Variants in CLASP2 observed in about 807,000 individuals in gnomAD.
CLASP2 encodes CLIP-associating protein 2.
Under a neutral mutation model 194.4 loss-of-function variants are expected in CLASP2, and 47 were observed. The ratio of observed to expected loss-of-function variants is 0.24; its 90% CI spans 0.19 to 0.31. The LOEUF is 0.31. CLASP2 is among the 10% of genes least tolerant of loss of function. The pLI, the probability that CLASP2 is intolerant of heterozygous loss-of-function variation, is 1.00. For synonymous variants in CLASP2, 619 were observed against 633.5 expected, an observed-to-expected ratio of 0.98 and a Z score of 0.34; for missense variants, 1,445 against 1,823.6, an observed-to-expected ratio of 0.79 and a Z score of 3.78.
At chr3:33,564,520 T>C (rs1018514840) in intron 27 of CLASP2, among the ~76,000 whole-genome samples, 4 of 152,212 alleles carry the variant, frequency 2.6e-5, no homozygotes, top group Non-Finnish European at 5.9e-5. Flanking sequence ...TTATATAAAA[T>C]GTGAGTAGCT....
chr3:33,657,450 A>T (rs1329221057), intron 7 of CLASP2, among the ~76,000 whole-genome samples: 1 of 152,102 alleles, frequency 6.6e-6, no homozygotes, highest in Non-Finnish European at 1.5e-5. Flanking sequence ...TCCAAATGTT[A>T]TGTATTATTT....
chr3:33,681,084 C>T (rs1386603036), intron 6 of CLASP2, among the ~76,000 whole-genome samples: 1 of 126,738 alleles, frequency 7.9e-6, no homozygotes, highest in Non-Finnish European at 1.7e-5. Context: ...GAGATCGCGC[C>T]ACTGCACTCC....
intron 7 of CLASP2, among the ~76,000 whole-genome samples, chr3:33,648,398 G>A (rs2082636686): frequency 1.3e-5 from 2 of 151,916 alleles, no homozygotes; most frequent in Admixed American, 1.3e-4. Context: ...GATAAAGAGA[G>A]ATGTTTAATA....
chr3:33,571,888 A>G (rs2063858505), intron 25 of CLASP2, among the ~76,000 whole-genome samples: 1 of 152,186 alleles, frequency 6.6e-6, no homozygotes, highest in Non-Finnish European at 1.5e-5. Context: ...GTCAGGTCTA[A>G]ATACAAAGTT....
At chr3:33,703,207 T>C (rs1052264407) in intron 1 of CLASP2, among the ~76,000 whole-genome samples, 1 of 152,092 alleles carries the variant, frequency 6.6e-6, no homozygotes, top group Non-Finnish European at 1.5e-5. Context: ...AATACACATC[T>C]GATAAAAGAC....
chr3:33,498,790 T>G, intron 38 of CLASP2, 73 bp from the exon 39 acceptor site: 3 of 867,814 alleles, frequency 3.5e-6, no homozygotes, highest in South Asian at 3.1e-5. Context: ...TAAAATATTA[T>G]ATACATATAT....
chr3:33,701,540 GA>G (rs1230664053), intron 1 of CLASP2, among the ~76,000 whole-genome samples: 1 of 152,208 alleles, frequency 6.6e-6, no homozygotes, highest in Admixed American at 6.5e-5. Context: ...AAGCTGTAGT[GA>G]CCTATGAATG....
intron 30 of CLASP2, among the ~76,000 whole-genome samples, chr3:33,545,342 G>T (rs2058991360): frequency 6.6e-6 from 1 of 152,094 alleles, no homozygotes; most frequent in Non-Finnish European, 1.5e-5. Flanking sequence ...ATTACTAAAA[G>T]ACAAACTTTG....
rs751003564 is a variant in CLASP2 at position 33,543,482 on chromosome 3, T to C, written c.3355A>G (p.Ser1119Gly). The C allele has an allele frequency of 1.2e-6, 2 of 1,613,482 alleles. No homozygotes were observed. The highest frequency in any genetic ancestry group is 1.7e-5 in the Admixed American group (1 of 60,020). The change falls in exon 32 of 39, where the codon AGT (serine) becomes GGT (glycine). Residue 1119 changes from serine to glycine, a missense_variant. This residue lies in a region of CLASP2 where 732 missense variants were observed against 987.9 expected (regional missense o/e 0.74). Coordinates refer to ENST00000682230, the MANE Select transcript of CLASP2 (RefSeq NM_001365631.1). The stretch of plus-strand genomic sequence containing the variant: ...GTATTGGTAGGAGAAGTAAGAGGAC[T>C]GGACCAGTTAGCTGGTGATCGTGGT... ...PTPRSPANWS[S>G]PLTSPTNTSQ...
intron 6 of CLASP2, among the ~76,000 whole-genome samples, chr3:33,673,085 C>A (rs965960144): frequency 8.5e-5 from 13 of 152,106 alleles, no homozygotes; most frequent in Non-Finnish European, 1.9e-4. Flanking sequence ...TCAGGAAATA[C>A]AGAGAACGCT....
intron 12 of CLASP2, among the ~76,000 whole-genome samples, chr3:33,617,846 T>A (rs2076440107): frequency 6.7e-6 from 1 of 150,290 alleles, no homozygotes; most frequent in Non-Finnish European, 1.5e-5. Flanking sequence ...AAGATACTGA[T>A]AAAAGACAAT....
At chr3:33,657,797 T>C (rs2084551435) in intron 7 of CLASP2, among the ~76,000 whole-genome samples, 1 of 152,208 alleles carries the variant, frequency 6.6e-6, no homozygotes, top group Admixed American at 6.5e-5. Context: ...TCCATTTAAA[T>C]GTACATAATA....
At chr3:33,629,850 TG>T (rs1040645451) in intron 9 of CLASP2, among the ~76,000 whole-genome samples, 23 of 149,608 alleles carry the variant, frequency 1.5e-4, no homozygotes, top group African/African-American at 5.4e-4. Flanking sequence ...ACAGTCCTAC[TG>T]CAAGAAACCA....
chr3:33,617,883 C>CT (rs894521907), intron 12 of CLASP2, among the ~76,000 whole-genome samples: 13 of 149,678 alleles, frequency 8.7e-5, no homozygotes, highest in Non-Finnish European at 1.5e-4. Context: ...AGAAAAAGGA[C>CT]TCCAGGAAGA....
intron 30 of CLASP2, among the ~76,000 whole-genome samples, chr3:33,548,302 A>G (rs2059461941): frequency 1.3e-5 from 2 of 151,300 alleles, no homozygotes; most frequent in African/African-American, 4.9e-5. Context: ...TTTTATTTTT[A>G]TTTTTATTTT....
chr3:33,544,501 A>G (rs1457205431), intron 31 of CLASP2, among the ~76,000 whole-genome samples, 197 bp downstream of exon 31: 1 of 152,184 alleles, frequency 6.6e-6, no homozygotes. Flanking sequence ...CACACAAATT[A>G]TAATATAATA....
intron 6 of CLASP2, among the ~76,000 whole-genome samples, chr3:33,671,817 C>T (rs184613290): frequency 9.5e-4 from 145 of 152,306 alleles, no homozygotes; most frequent in Admixed American, 2.4e-3. Flanking sequence ...GAGGGTCCTA[C>T]GCCCACGGAG....
At chr3:33,520,894 G>C (rs2052866914) in intron 34 of CLASP2, among the ~76,000 whole-genome samples, 1 of 151,104 alleles carries the variant, frequency 6.6e-6, no homozygotes, top group Admixed American at 6.6e-5. Flanking sequence ...AGAGGTCTGG[G>C]GAGCAGTGAC....
At chr3:33,673,133 A>G (rs1485802850) in intron 6 of CLASP2, among the ~76,000 whole-genome samples, 1 of 152,254 alleles carries the variant, frequency 6.6e-6, no homozygotes, top group Non-Finnish European at 1.5e-5. Flanking sequence ...TCCAAGACAC[A>G]TAATTGTCAG....
Sources: gnomAD v4.1 joint callset for allele counts (sites outside exome capture counted in the v4.1 genomes callset) on GRCh38, gnomAD v4.1.1 for gene constraint, gnomAD v4.1.1 regional missense constraint, MANE v1.5 for transcripts, NCBI Gene and HGNC (gene_info 2026-07-23, HGNC 2026-07-21) for gene names.